The following IWS1 variants were observed in gnomAD, a reference collection of about 807,000 sequenced individuals.
The protein encoded by IWS1 is protein IWS1 homolog.
In IWS1, 27 loss-of-function variants were observed where a neutral mutation model predicts 86.7. That is an observed-to-expected ratio of 0.31 (90% confidence interval 0.23 to 0.43). IWS1 has a LOEUF of 0.43. Among genes scored for constraint, IWS1 ranks in the 20% least tolerant of loss-of-function variants. IWS1 has a pLI of 1.00. For missense variants in IWS1, 827 were observed against 1,000.8 expected (o/e 0.83, Z 2.34); for synonymous variants, 313 against 335.1 (o/e 0.93, Z 0.72).
At chr2:127,521,958 G>C (rs1692120712) in intron 2 of IWS1, among the ~76,000 whole-genome samples, 1 of 152,142 alleles carries the variant, frequency 6.6e-6, no homozygotes, top group Non-Finnish European at 1.5e-5. Context: ...TTCCAAAGAG[G>C]AAACTTAAAA....
At chr2:127,523,631 G>T in intron 2 of IWS1, 45 bp downstream of exon 2, 1 of 1,247,444 alleles carries the variant, frequency 8.0e-7, no homozygotes, top group Non-Finnish European at 1.2e-6. Context: ...AGATCTCACA[G>T]AACGCAAGGG....
chr2:127,483,600 T>TGGGGGGGGGGGG (rs1558736829), intron 13 of IWS1, among the ~76,000 whole-genome samples: 3 of 5,880 alleles, frequency 5.1e-4, no homozygotes, highest in Non-Finnish European at 4.1e-4. Context: ...GTGGGGGGGT[T>TGGGGGGGGGGGG]GGGCTGTGTG....
At chr2:127,526,035 G>A in intron 1 of IWS1, 140 bp downstream of exon 1, 1 of 732,294 alleles carries the variant, frequency 1.4e-6, no homozygotes, top group South Asian at 1.8e-5. Flanking sequence ...GCTGGTCAGA[G>A]GGCTCTTGCC....
At chr2:127,495,277 T>C (rs558154587) in intron 7 of IWS1, among the ~76,000 whole-genome samples, 2 of 152,330 alleles carry the variant, frequency 1.3e-5, no homozygotes, top group African/African-American at 4.8e-5. Context: ...TGGTTTATTA[T>C]ATTAGGAACA....
Position 127,499,312 on chromosome 2 carries a change from G to A in IWS1, c.1468-1075C>T, listed in dbSNP as rs1294994002. On this transcript the variant is annotated intron_variant, in intron 5 of 13. Transcript: ENST00000295321. This position sits in a 1 kb window ranked among gnomAD's most constrained non-coding sequence, Gnocchi z 4.0. The stretch of plus-strand genomic sequence containing the variant: ...TCACCACGTTAGCCAGGATGGTCTC[G>A]ATCTCCTGACCTTGTGAGCCGCCCA... 1.3e-5 allele frequency among the ~76,000 whole-genome samples: 2 copies of A among 152,056 alleles called. No homozygotes were observed. The highest frequency in any genetic ancestry group is 4.8e-5 in the African/African-American group (2 of 41,404).
rs34526019 is a variant in IWS1, at chr2:127,509,707, C to CAAAAAAA, written c.151-3962_151-3956dup. ...TATGTGACAGAGCAACACTCCATCT[C>CAAAAAAA]AAAAAAAAAAAAAAAAAAAAAAAAG... On this transcript the variant is annotated intron_variant, in intron 2 of 13. Transcript: ENST00000295321. Among the ~76,000 whole-genome samples the CAAAAAAA allele has an allele frequency of 1.8e-4, 10 of 55,460 alleles. 1 individual carries two copies. The highest frequency in any genetic ancestry group is 2.7e-4 in the Admixed American group (1 of 3,708). 36.4% of individuals were successfully genotyped at this position (55,460 alleles called of 152,430 possible).
At position 127,505,517 on chromosome 2, in the gene IWS1, G is replaced by C; in HGVS notation, c.386C>G (p.Pro129Arg). The C allele has an allele frequency of 6.2e-7, 1 of 1,614,010 alleles. No homozygotes were observed. Among genetic ancestry groups the C allele is most frequent in the Non-Finnish European group, 8.5e-7 (1 of 1,179,956 alleles). The change falls in exon 3 of 14, where the codon CCT becomes CGT. Residue 129 changes from proline to arginine, a missense_variant. Pro to Arg is a moderately radical substitution (Grantham distance 103, BLOSUM62 -2). Coordinates refer to ENST00000295321, the MANE Select transcript of IWS1 (RefSeq NM_017969.3). The surrounding 1 kb of genome is among the most constrained non-coding windows in gnomAD (Gnocchi z 5.0). ...DSESEETRKL[P>R]GSDSENEELL... ...TTCCTCATTTTCAGAGTCACTACCA[G>C]GTAATTTCCTGGTCTCTTCACTCTC...
In IWS1 at chr2:127,499,298, GC is replaced by G. The variant is rs1176354047; in HGVS notation, c.1468-1062del. Among the ~76,000 whole-genome samples, 3 of 152,046 alleles carry G rather than the reference GC, an allele frequency of 2.0e-5. No homozygotes were observed. The highest frequency in any genetic ancestry group is 4.4e-5 in the Non-Finnish European group (3 of 68,008). ...GTAGAGATGGGGTTTCACCACGTTA[GC>G]CAGGATGGTCTCGATCTCCTGACCT... is the stretch of plus-strand genomic sequence containing the variant. On this transcript the variant is annotated intron_variant, in intron 5 of 13. Transcript: ENST00000295321. This position sits in a 1 kb window ranked among gnomAD's most constrained non-coding sequence, Gnocchi z 4.0.
chr2:127,498,344 T>C (rs972834013), intron 5 of IWS1, 107 bp from the exon 6 acceptor site: 8 of 1,044,302 alleles, frequency 7.7e-6, no homozygotes, highest in African/African-American at 3.2e-5. Flanking sequence ...AAAAATTCAA[T>C]AGATATCAAA....
intron 2 of IWS1, 42 bp downstream of exon 2, chr2:127,523,634 C>T (rs749120801): frequency 7.0e-6 from 9 of 1,287,144 alleles, no homozygotes; most frequent in East Asian, 2.3e-5. Context: ...TCTCACAGAA[C>T]GCAAGGGAAA....
At chr2:127,515,241 C>T (rs1330893103) in intron 2 of IWS1, among the ~76,000 whole-genome samples, 1 of 152,204 alleles carries the variant, frequency 6.6e-6, no homozygotes, top group African/African-American at 2.4e-5. Context: ...TGTTTTTGGT[C>T]ATCAATGATG....
At position 127,489,056 on chromosome 2, in the gene IWS1, TTAAAATG is replaced by T; in HGVS notation, c.2216+116_2216+122del. On this transcript the variant is annotated intron_variant, in intron 12 of 13. Transcript: ENST00000295321. The surrounding 1 kb of genome is among the most constrained non-coding windows in gnomAD (Gnocchi z 4.8). ...TACAATGCTTTGTAGATACTAAACG[TTAAAATG>T]AAAGTCACCTCCCACAAATGAGAGC... 1.5e-6 allele frequency: 1 copy of T among 679,436 alleles called. No individual in the cohort carries two copies. The highest frequency in any genetic ancestry group is 1.9e-5 in the South Asian group (1 of 52,894). 42.1% of individuals were successfully genotyped at this position (679,436 alleles called of 1,614,324 possible).
chr2:127,525,630 A>G (rs1346591950), intron 1 of IWS1, among the ~76,000 whole-genome samples: 1 of 152,218 alleles, frequency 6.6e-6, no homozygotes, highest in East Asian at 1.9e-4. Context: ...CAGTAAAGAA[A>G]GGAGACCAAA....
intron 2 of IWS1, among the ~76,000 whole-genome samples, chr2:127,520,028 T>C (rs777624328): frequency 6.6e-6 from 1 of 152,150 alleles, no homozygotes; most frequent in Non-Finnish European, 1.5e-5. Context: ...GTGTGACCCA[T>C]TTTGGACTTG....
intron 2 of IWS1, among the ~76,000 whole-genome samples, chr2:127,510,612 T>C (rs1691395955): frequency 6.6e-6 from 1 of 151,626 alleles, no homozygotes; most frequent in Non-Finnish European, 1.5e-5. Context: ...CCTGCCTCAG[T>C]CTCCCAAGTA....
chr2:127,486,325 G>T, intron 13 of IWS1: 1 of 376,230 alleles, frequency 2.7e-6, no homozygotes, highest in Non-Finnish European at 5.0e-6. Context: ...ACCTGATAAT[G>T]TTGAATTAAG....
chr2:127,502,745 T>C lies in IWS1; in HGVS notation c.1467+70A>G. 4.0e-6 allele frequency: 3 copies of C among 754,018 alleles called. No individual in the cohort carries two copies. The East Asian group carries it at 7.4e-5, about 19-fold the overall frequency. The allele number at this position is 754,018 out of a possible 1,614,324, so 46.7% of individuals were successfully genotyped here. On this transcript the variant is annotated intron_variant, in intron 5 of 13. Coordinates refer to ENST00000295321, the MANE Select transcript of IWS1 (RefSeq NM_017969.3). ...TCCTACTTATTAGAATCATCTATAA[T>C]GGTATCACTGCCATAAAAACACCAA...
intron 5 of IWS1, among the ~76,000 whole-genome samples, chr2:127,502,319 G>T (rs1314458935): frequency 6.6e-6 from 1 of 152,176 alleles, no homozygotes; most frequent in Non-Finnish European, 1.5e-5. Flanking sequence ...TCAAAAATAT[G>T]AGTAGCCTCT....
At position 127,489,260 on chromosome 2, in the gene IWS1, T is replaced by A; in HGVS notation, c.2160-25A>T. On this transcript the variant is annotated intron_variant, in intron 11 of 13. Coordinates refer to ENST00000295321, the MANE Select transcript of IWS1 (RefSeq NM_017969.3). This position sits in a 1 kb window ranked among gnomAD's most constrained non-coding sequence, Gnocchi z 4.8. ...GCTGAAAAAAAAGTAAACAAGGAGA[T>A]ACCAGGAATATTAGAACCTAATAAC... 6.3e-7 allele frequency: 1 copy of A among 1,577,056 alleles called. No individual in the cohort carries two copies. The highest frequency in any genetic ancestry group is 8.7e-7 in the Non-Finnish European group (1 of 1,149,336).
Sources: gnomAD v4.1 joint callset for allele counts (sites outside exome capture counted in the v4.1 genomes callset) on GRCh38, gnomAD v4.1.1 for gene constraint, Gnocchi (gnomAD v3.1) non-coding constraint, MANE v1.5 for transcripts, NCBI Gene and HGNC (gene_info 2026-07-23, HGNC 2026-07-21) for gene names.